The following OPA1 variants were observed in gnomAD, a reference collection of about 807,000 sequenced individuals.
The protein encoded by OPA1 is dynamin-like GTPase OPA1, mitochondrial.
In OPA1, 59 loss-of-function variants were observed where a neutral mutation model predicts 152.9. The ratio of observed to expected loss-of-function variants is 0.39; its 90% CI spans 0.31 to 0.48. The LOEUF (loss-of-function observed/expected upper bound fraction) is 0.48. Among genes scored for constraint, OPA1 ranks in the 20% least tolerant of loss-of-function variants. The probability of loss-of-function intolerance (pLI) is 0.96; values close to 1 mark genes in which losing one functional copy is unlikely to be tolerated. For synonymous variants in OPA1, 400 were observed against 389.9 expected (o/e 1.03, Z -0.31); for missense variants, 1,008 against 1,216.8 (o/e 0.83, Z 2.55).
intron 29 of OPA1, among the ~76,000 whole-genome samples, chr3:193,682,866 A>G (rs555923846): frequency 3.3e-5 from 5 of 152,330 alleles, no homozygotes; most frequent in African/African-American, 7.2e-5. Flanking sequence ...TGCTAGCACA[A>G]CATCCATTCT....
intron 29 of OPA1, among the ~76,000 whole-genome samples, chr3:193,676,536 C>G (rs1313695653): frequency 6.6e-6 from 1 of 152,178 alleles, no homozygotes; most frequent in African/African-American, 2.4e-5. Context: ...AAGGAAAGTC[C>G]TCTCTGTTAG....
chr3:193,664,235 G>A (rs1715986899), intron 26 of OPA1, among the ~76,000 whole-genome samples: 1 of 152,060 alleles, frequency 6.6e-6, no homozygotes, highest in Admixed American at 6.6e-5. Context: ...GTGAATTCTA[G>A]TGTATTTCCA....
At position 193,638,016 on chromosome 3, in the gene OPA1, G is replaced by A. The variant is rs372878876; in HGVS notation, c.1100G>A (p.Arg367Gln). 9.3e-6 allele frequency: 15 copies of A among 1,614,002 alleles called. No homozygotes were observed. Among genetic ancestry groups the A allele is most frequent in the Admixed American group, 1.7e-5 (1 of 60,000 alleles). ...TSVLEMIAQA[R>Q]IFPRGSGEMM... ...GTGTTGGAAATGATTGCCCAAGCTCGAATATTCCCAAGAGGATCTGGGGAG... is the reference window on the plus strand; with the variant it reads ...GTGTTGGAAATGATTGCCCAAGCTCAAATATTCCCAAGAGGATCTGGGGAG... Residue 367 changes from arginine to glutamine, a missense_variant, in exon 11 of 31, where the codon CGA (arginine) becomes CAA (glutamine). Arg to Gln is a conservative substitution (Grantham distance 43). This residue lies in a region of OPA1 where 213 missense variants were observed against 291.4 expected (regional missense o/e 0.73). Coordinates refer to ENST00000361510, the MANE Select transcript of OPA1 (RefSeq NM_130837.3).
At chr3:193,637,818 T>TA (rs999381622) in intron 10 of OPA1, 134 bp from the exon 11 acceptor site, 59 of 759,536 alleles carry the variant, frequency 7.8e-5, no homozygotes, top group Non-Finnish European at 1.2e-4. Flanking sequence ...ACCATTTTTT[T>TA]ACGGATTTTA....
intron 1 of OPA1, among the ~76,000 whole-genome samples, chr3:193,600,812 T>C (rs1352517198): frequency 6.6e-6 from 1 of 152,226 alleles, no homozygotes; most frequent in East Asian, 1.9e-4. Context: ...TTAGGATGCC[T>C]GCAAACCAAC....
At chr3:193,688,399 T>G (rs1211765838) in intron 29 of OPA1, among the ~76,000 whole-genome samples, 1 of 148,810 alleles carries the variant, frequency 6.7e-6, no homozygotes, top group Non-Finnish European at 1.5e-5. Context: ...ATAGACTACT[T>G]AGGAGGTGTA....
Position 193,648,117 on chromosome 3 carries a change from C to T in OPA1, c.1918C>T (p.Leu640=). The change falls in exon 20 of 31, where the codon CTG becomes TTG. Residue 640 remains leucine (L), a synonymous_variant. Transcript: ENST00000361510. ...ETEWKNNYPR[L]RELDRNELFE... ...TGAATGGAAGAATAACTATCCTCGC[C>T]TGCGGGAACTTGACCGGGTAATATT... 6.2e-7 allele frequency: 1 copy of T among 1,612,470 alleles called. No homozygotes were observed. The highest frequency in any genetic ancestry group is 8.5e-7 in the Non-Finnish European group (1 of 1,178,558).
chr3:193,608,303 A>C (rs192020861), intron 1 of OPA1, among the ~76,000 whole-genome samples: 3 of 152,164 alleles, frequency 2.0e-5, no homozygotes, highest in African/African-American at 7.2e-5. Flanking sequence ...TTAGGGTGTC[A>C]ATTTTAGATC....
intron 6 of OPA1, among the ~76,000 whole-genome samples, chr3:193,621,275 A>G (rs1047832283): frequency 1.3e-5 from 2 of 152,262 alleles, no homozygotes; most frequent in African/African-American, 4.8e-5. Flanking sequence ...GCTGGCAACT[A>G]GCAGAACAGT....
intron 29 of OPA1, among the ~76,000 whole-genome samples, chr3:193,677,616 T>A (rs1235147518): frequency 6.6e-6 from 1 of 152,232 alleles, no homozygotes; most frequent in Non-Finnish European, 1.5e-5. Context: ...TGGTAACCTC[T>A]GTTAAGTACA....
chr3:193,601,440 A>G (rs1162440733), intron 1 of OPA1, among the ~76,000 whole-genome samples: 1 of 152,344 alleles, frequency 6.6e-6, no homozygotes, highest in Middle Eastern at 3.4e-3. Flanking sequence ...CAGATTCTCC[A>G]CAGACCCAAT....
At chr3:193,685,040 G>T (rs1055712278) in intron 29 of OPA1, among the ~76,000 whole-genome samples, 2 of 151,820 alleles carry the variant, frequency 1.3e-5, no homozygotes, top group Admixed American at 6.6e-5. Context: ...GGTGGTTCAC[G>T]CCTGTAATCC....
At chr3:193,640,139 T>C (rs1359916651) in intron 11 of OPA1, among the ~76,000 whole-genome samples, 1 of 152,166 alleles carries the variant, frequency 6.6e-6, no homozygotes, top group Non-Finnish European at 1.5e-5. Context: ...GACATACATT[T>C]AGGAGTCATG....
At chr3:193,618,604 T>G (rs1261766573) in intron 5 of OPA1, 3 of 434,028 alleles carry the variant, frequency 6.9e-6, no homozygotes, top group South Asian at 5.5e-5. Context: ...AAAGATTGTC[T>G]TATTTTTTTA....
At chr3:193,603,566 C>G (rs892135000) in intron 1 of OPA1, 3 of 152,148 alleles carry the variant, frequency 2.0e-5, no homozygotes, top group Non-Finnish European at 4.4e-5. Flanking sequence ...AGGTGAGAAA[C>G]CTTCGTAGTT....
chr3:193,594,013 G>T (rs1031908286), intron 1 of OPA1, among the ~76,000 whole-genome samples: 1 of 152,044 alleles, frequency 6.6e-6, no homozygotes, highest in East Asian at 1.9e-4. Context: ...TCTGTGTTTC[G>T]GGAGGGAGAC....
At chr3:193,613,340 G>C (rs138091685) in intron 1 of OPA1, among the ~76,000 whole-genome samples, 1 of 143,868 alleles carries the variant, frequency 7.0e-6, no homozygotes, top group East Asian at 2.0e-4. Context: ...GCCATATTTA[G>C]TTTGCTTTAA....
At chr3:193,674,049 T>A (rs1473686940) in intron 29 of OPA1, among the ~76,000 whole-genome samples, 1 of 152,240 alleles carries the variant, frequency 6.6e-6, no homozygotes, top group Non-Finnish European at 1.5e-5. Flanking sequence ...CGCAGCAGCG[T>A]GCTCGGCCTC....
intron 29 of OPA1, among the ~76,000 whole-genome samples, chr3:193,669,645 T>G (rs1717480554): frequency 6.6e-6 from 1 of 152,210 alleles, no homozygotes; most frequent in Non-Finnish European, 1.5e-5. Context: ...TGTATACAAA[T>G]ATATTTCTTT....
Sources: gnomAD v4.1 joint callset for allele counts (sites outside exome capture counted in the v4.1 genomes callset) on GRCh38, gnomAD v4.1.1 for gene constraint, gnomAD v4.1.1 regional missense constraint, MANE v1.5 for transcripts, NCBI Gene and HGNC (gene_info 2026-07-23, HGNC 2026-07-21) for gene names.